Variants in ACOT7 observed in about 807,000 individuals in gnomAD.
ACOT7 encodes cytosolic acyl coenzyme A thioester hydrolase.
In ACOT7, 12 loss-of-function variants were observed where a neutral mutation model predicts 40.2. The observed-to-expected ratio is 0.30, with a 90% CI of 0.19 to 0.48. ACOT7 has a LOEUF of 0.48. Among genes scored for constraint, ACOT7 ranks in the 20% least tolerant of loss-of-function variants. The pLI is 0.99. For missense variants in ACOT7, 395 were observed against 530.8 expected (o/e 0.74, Z 2.51); for synonymous variants, 228 against 219.5 (o/e 1.04, Z -0.34).
intron 1 of ACOT7, among the ~76,000 whole-genome samples, chr1:6,392,934 G>C (rs1367687890): frequency 6.6e-6 from 1 of 152,034 alleles, no homozygotes; most frequent in Non-Finnish European, 1.5e-5. Context: ...GCCGGTCGCC[G>C]GGCTCTGGAG....
Position 6,355,145 on chromosome 1 carries a change from C to A in ACOT7, c.144-5279G>T, listed in dbSNP as rs1641708095. ...CTTCCCACCGTTCTACCTGTCCCAGCAACGCCTGACCCACCCTTTGTGAAG... is the reference window on the plus strand; with the variant it reads ...CTTCCCACCGTTCTACCTGTCCCAGAAACGCCTGACCCACCCTTTGTGAAG... On this transcript the variant is annotated intron_variant, in intron 1 of 8. Coordinates refer to ENST00000361521, the MANE Select transcript of ACOT7 (RefSeq NM_007274.4). The surrounding 1 kb of genome is among the most constrained non-coding windows in gnomAD (Gnocchi z 5.0). 6.6e-6 allele frequency among the ~76,000 whole-genome samples: 1 copy of A among 152,134 alleles called. No homozygotes were observed.
intron 6 of ACOT7, among the ~76,000 whole-genome samples, chr1:6,316,999 T>A (rs150246078): frequency 9.7e-4 from 147 of 152,264 alleles, no homozygotes; most frequent in African/African-American, 3.3e-3. Context: ...CAGAGTGGTG[T>A]CGTTTGAGCT....
chr1:6,388,512 G>A (rs1642478688), intron 1 of ACOT7, among the ~76,000 whole-genome samples: 1 of 150,440 alleles, frequency 6.6e-6, no homozygotes, highest in South Asian at 2.2e-4. Flanking sequence ...GCCGAGGCGG[G>A]CAGATCACTT....
intron 4 of ACOT7, among the ~76,000 whole-genome samples, chr1:6,331,483 T>C (rs972714259): frequency 2.0e-5 from 3 of 152,224 alleles, no homozygotes; most frequent in African/African-American, 7.2e-5. Context: ...GCCTTGCCCA[T>C]ACCTTTGCAC....
chr1:6,285,898 TGTCTGTCTGTATCCTGTG>T (rs2148385039), intron 7 of ACOT7, among the ~76,000 whole-genome samples: 1 of 152,298 alleles, frequency 6.6e-6, no homozygotes, highest in East Asian at 1.9e-4. Flanking sequence ...ATACCAGTAG[TGTCTGTCTGTATCCTGTG>T]GCGAACCTGG....
intron 5 of ACOT7, among the ~76,000 whole-genome samples, chr1:6,325,927 T>A (rs958568306): frequency 6.6e-6 from 1 of 152,074 alleles, no homozygotes; most frequent in Non-Finnish European, 1.5e-5. Context: ...GGAGCCCACA[T>A]CACAGGCACA....
chr1:6,369,520 C>A (rs1446975835), intron 1 of ACOT7, among the ~76,000 whole-genome samples: 1 of 149,582 alleles, frequency 6.7e-6, no homozygotes, highest in Non-Finnish European at 1.5e-5. Flanking sequence ...AATTCTCCTG[C>A]CTCAGCCTCC....
At chr1:6,384,862 C>G (rs1642408908) in intron 1 of ACOT7, among the ~76,000 whole-genome samples, 1 of 151,892 alleles carries the variant, frequency 6.6e-6, no homozygotes, top group East Asian at 1.9e-4. Flanking sequence ...CATGATCCCA[C>G]AGCTCTGTGA....
intron 2 of ACOT7, among the ~76,000 whole-genome samples, chr1:6,340,326 G>A (rs991719942): frequency 7.9e-5 from 12 of 152,196 alleles, no homozygotes; most frequent in African/African-American, 2.7e-4. Context: ...GCAGAGTCCA[G>A]CCCAAAGCAA....
intron 4 of ACOT7, among the ~76,000 whole-genome samples, chr1:6,331,182 C>T (rs1161215399): frequency 6.6e-6 from 1 of 152,198 alleles, no homozygotes; most frequent in Non-Finnish European, 1.5e-5. Context: ...GGTTGTTGAA[C>T]CGAGGGCTGG....
At chr1:6,333,348 G>GC in intron 4 of ACOT7, 129 bp downstream of exon 4, 1 of 1,000,676 alleles carries the variant, frequency 1.0e-6, no homozygotes, top group Non-Finnish European at 1.5e-6. Context: ...GGCGGACCTG[G>GC]CCCCCTGTGC....
chr1:6,323,554 C>T (rs1408567936), intron 5 of ACOT7, among the ~76,000 whole-genome samples: 1 of 151,354 alleles, frequency 6.6e-6, no homozygotes, highest in Non-Finnish European at 1.5e-5. Context: ...CCTGTCTCTA[C>T]AAAAAATACA....
At chr1:6,372,554 CTTTTTT>C in intron 1 of ACOT7, among the ~76,000 whole-genome samples, 1 of 128,582 alleles carries the variant, frequency 7.8e-6, no homozygotes, top group East Asian at 2.1e-4. Context: ...TAACTTTTGG[CTTTTTT>C]TTTTTTTTTT....
At chr1:6,339,344 C>T (rs2148444540) in intron 3 of ACOT7, 89 bp downstream of exon 3, 2 of 1,579,228 alleles carry the variant, frequency 1.3e-6, no homozygotes, top group South Asian at 1.1e-5. Context: ...AGGGGCCAGG[C>T]CCTGGAGCGT....
At chr1:6,298,238 G>A (rs1177187366) in intron 6 of ACOT7, among the ~76,000 whole-genome samples, 2 of 152,136 alleles carry the variant, frequency 1.3e-5, no homozygotes, top group African/African-American at 4.8e-5. Context: ...GGGTTCAAGC[G>A]ATTCTCCTGT....
chr1:6,342,611 G>C (rs1014521416), intron 2 of ACOT7, among the ~76,000 whole-genome samples: 1 of 152,188 alleles, frequency 6.6e-6, no homozygotes, highest in Non-Finnish European at 1.5e-5. Flanking sequence ...GCGACTACAG[G>C]CACATGCAAC....
At chr1:6,321,198 C>T (rs1279433515) in intron 5 of ACOT7, among the ~76,000 whole-genome samples, 1 of 152,206 alleles carries the variant, frequency 6.6e-6, no homozygotes, top group African/African-American at 2.4e-5. Flanking sequence ...CAAGCGGGCA[C>T]TGGGAAATAG....
In ACOT7 at chr1:6,299,720, G is replaced by A. The variant is rs1639915504; in HGVS notation, c.713-4740C>T. Among the ~76,000 whole-genome samples the A allele has an allele frequency of 6.6e-6, 1 of 151,936 alleles. No homozygotes were observed. Among genetic ancestry groups the A allele is most frequent in the Non-Finnish European group, 1.5e-5 (1 of 67,980 alleles). ...GCACGTGTGTGCGTGTGTTTAAGGG[G>A]CTTAGTAGCGGCAGAGCTGCAGCCC... On this transcript the variant is annotated intron_variant, in intron 6 of 8. Transcript: ENST00000361521. The surrounding 1 kb of genome is among the most constrained non-coding windows in gnomAD (Gnocchi z 4.1).
At position 6,278,082 on chromosome 1, in the gene ACOT7, C is replaced by T. The variant is rs1883607; in HGVS notation, c.1014+3020G>A. 2.8e-5 allele frequency among the ~76,000 whole-genome samples: 4 copies of T among 142,526 alleles called. No homozygotes were observed. Among genetic ancestry groups the T allele is most frequent in the South Asian group, 2.5e-4 (1 of 4,046 alleles). 93.5% of individuals were successfully genotyped at this position (142,526 alleles called of 152,430 possible). ...ACAGTCCACGCAGCGTCTGCAGTGGCGGGGGGTGGTTGGGAGGGGGTCTGG... is the reference window on the plus strand; with the variant it reads ...ACAGTCCACGCAGCGTCTGCAGTGGTGGGGGGTGGTTGGGAGGGGGTCTGG... On this transcript the variant is annotated intron_variant, in intron 8 of 8. Transcript: ENST00000361521. The surrounding 1 kb of genome is among the most constrained non-coding windows in gnomAD (Gnocchi z 4.1).
Sources: allele counts gnomAD v4.1 joint callset (sites outside exome capture counted in the v4.1 genomes callset), GRCh38; gene constraint gnomAD v4.1.1; non-coding constraint Gnocchi (gnomAD v3.1); transcripts MANE v1.5; gene names NCBI Gene and HGNC (gene_info 2026-07-23, HGNC 2026-07-21).